AHNAK2: variants seen among roughly 807,000 people sequenced by gnomAD.
AHNAK2 encodes AHNAK nucleoprotein 2, also known as protein AHNAK2.
In AHNAK2, 18 loss-of-function variants were observed where a neutral mutation model predicts 30.7. That is an observed-to-expected ratio of 0.59 (90% CI 0.41 to 0.87). The LOEUF (loss-of-function observed/expected upper bound fraction) is 0.87, where lower values mean the gene tolerates loss of function less well. AHNAK2 is among the 40% of genes least tolerant of loss of function. The pLI is 0.00. For missense variants in AHNAK2, 8,604 were observed against 7,373.0 expected (o/e 1.17, Z -6.11); for synonymous variants, 3,590 against 3,073.8 (o/e 1.17, Z -5.56).
intron 1 of AHNAK2, among the ~76,000 whole-genome samples, chr14:104,971,624 C>T (rs902675360): frequency 1.3e-5 from 2 of 152,146 alleles, no homozygotes; most frequent in African/African-American, 2.4e-5. Context: ...ACACCTGAGT[C>T]CCATGACCCC....
intron 1 of AHNAK2, among the ~76,000 whole-genome samples, chr14:104,957,933 C>T (rs907960384): frequency 6.6e-6 from 1 of 152,152 alleles, no homozygotes; most frequent in Admixed American, 6.5e-5. Context: ...AGTGACTAAA[C>T]AAACACAAGG....
At chr14:104,960,903 G>A in intron 1 of AHNAK2, among the ~76,000 whole-genome samples, 1 of 151,838 alleles carries the variant, frequency 6.6e-6, no homozygotes, top group East Asian at 1.9e-4. Context: ...AGGCCAAGGA[G>A]GGCAGATCAC....
rs1046737776 is a variant in AHNAK2 at position 104,955,070 on chromosome 14, A to G, written c.538T>C (p.Tyr180His). ...AACTGAACCTTGTACGGCTCTGAAT[A>G]TTGAAGGATTTTGAGAGCATCTTCA... The part of the protein sequence containing the change: ...KYEDALKILQ[Y>H]SEPYKVQFKI... The change falls in exon 6 of 7, where the codon TAT becomes CAT. Residue 180 changes from tyrosine (Y) to histidine (H), a missense_variant. Coordinates refer to ENST00000333244, the MANE Select transcript of AHNAK2 (RefSeq NM_138420.4). 7.4e-6 allele frequency: 12 copies of G among 1,613,628 alleles called. No homozygotes were observed. The highest frequency in any genetic ancestry group is 9.3e-6 in the Non-Finnish European group (11 of 1,179,864).
At position 104,938,221 on chromosome 14, in the gene AHNAK2, C is replaced by T. The variant is rs1897868710; in HGVS notation, c.17230G>A (p.Glu5744Lys). ...FDARESFSPE[E>K]KEEGELIGPV... ...CCGATCAGTTCACCCTCTTCCTTCT[C>T]TTCAGGGGAGAAACTTTCTCGGGCA... The change falls in exon 7 of 7, where the codon GAG becomes AAG. Residue 5744 changes from glutamate (E) to lysine (K), a missense_variant. Physicochemically the swap from Glu to Lys is moderately conservative, Grantham distance 56 (BLOSUM62 1). Transcript: ENST00000333244. 2 of 1,613,792 alleles carry T rather than the reference C, an allele frequency of 1.2e-6. No individual in the cohort carries two copies. Among genetic ancestry groups the T allele is most frequent in the African/African-American group, 1.3e-5 (1 of 74,940 alleles).
chr14:104,955,288 A>C (rs927881984), intron 5 of AHNAK2, 147 bp from the exon 6 acceptor site: 14 of 1,261,448 alleles, frequency 1.1e-5, no homozygotes, highest in African/African-American at 1.5e-5. Flanking sequence ...TGAGTGCCTC[A>C]GGCACAGGCA....
chr14:104,972,795 T>C (rs899009706), intron 1 of AHNAK2, among the ~76,000 whole-genome samples: 8 of 152,350 alleles, frequency 5.3e-5, no homozygotes, highest in African/African-American at 9.6e-5. Flanking sequence ...GCTCAGATCC[T>C]GGACTTGCTC....
Position 104,946,801 on chromosome 14 carries a change from C to A in AHNAK2, c.8650G>T (p.Gly2884Cys). The A allele has an allele frequency of 6.2e-7, 1 of 1,612,510 alleles. No individual in the cohort carries two copies. The highest frequency in any genetic ancestry group is 8.5e-7 in the Non-Finnish European group (1 of 1,179,548). Residue 2884 changes from glycine (G) to cysteine (C), a missense_variant, in exon 7 of 7, where the codon GGC (glycine) becomes TGC (cysteine). Physicochemically the swap from Gly to Cys is radical, Grantham distance 159. Coordinates refer to ENST00000333244, the MANE Select transcript of AHNAK2 (RefSeq NM_138420.4). ...AGGCCGGCTCCCTCGGGAACGTGGC[C>A]CTCTGGGAGTTTCACGTCCACCTGG... is the stretch of plus-strand genomic sequence containing the variant. ...AGQVDVKLPE[G>C]HVPEGAGLKG...
In AHNAK2 at chr14:104,948,812, C is replaced by T. The variant is rs375443195; in HGVS notation, c.6639G>A (p.Gln2213=). 5 of 1,612,522 alleles carry T rather than the reference C, an allele frequency of 3.1e-6. No individual in the cohort carries two copies. Among genetic ancestry groups the T allele is most frequent in the African/African-American group, 2.7e-5 (2 of 74,340 alleles). Residue 2213 remains glutamine (Q), a synonymous_variant, in exon 7 of 7, where the codon CAG becomes CAA. Coordinates refer to ENST00000333244, the MANE Select transcript of AHNAK2 (RefSeq NM_138420.4). The part of the protein sequence containing the change: ...IQPLSADVKV[Q]AGQVDVKLLE... ...GGAGTTTCACGTCCACCTGGCCAGC[C>T]TGGACCTTCACGTCGGCGGAAAGGG...
Position 104,951,012 on chromosome 14 carries a change from G to T in AHNAK2, c.4439C>A (p.Ser1480Tyr). The T allele has an allele frequency of 7.5e-6, 8 of 1,063,666 alleles. 3 individuals carry two copies. The highest frequency in any genetic ancestry group is 1.1e-5 in the Non-Finnish European group (8 of 733,442). The allele number at this position is 1,063,666 out of a possible 1,614,324, so 65.9% of individuals were successfully genotyped here. A position where few individuals can be genotyped will look rare whatever the true frequency, so the allele number is the denominator to read the frequency against. ...LDGGRLEEDM[S>Y]LADKDLTTKD... is the part of the protein sequence containing the mutation. ...GGTAGTCAAGTCCTTGTCGGCCAGGGACATGTCCTCCTCCAGCCGTCCACC... is the reference window on the plus strand; with the variant it reads ...GGTAGTCAAGTCCTTGTCGGCCAGGTACATGTCCTCCTCCAGCCGTCCACC... The change falls in exon 7 of 7, where the codon TCC becomes TAC. Residue 1480 changes from serine (S) to tyrosine (Y), a missense_variant. Transcript: ENST00000333244.
At position 104,953,183 on chromosome 14, in the gene AHNAK2, C is replaced by T; in HGVS notation, c.2268G>A (p.Gly756=). 1 of 1,613,108 alleles carries T rather than the reference C, an allele frequency of 6.2e-7. No individual in the cohort carries two copies. The change falls in exon 7 of 7, where the codon GGG becomes GGA. Residue 756 remains glycine (G), a synonymous_variant. Transcript: ENST00000333244. ...TGGGCCTCTGCACCTTGGGCAGGTG[C>T]CCTTTGAGGCTGGCTCCCTCGGGCA... ...GPLPEGASLK[G]HLPKVQRPSL... is the part of the protein sequence containing the mutation.
chr14:104,969,145 T>C (rs1899401421), intron 1 of AHNAK2, among the ~76,000 whole-genome samples: 1 of 152,224 alleles, frequency 6.6e-6, no homozygotes. Flanking sequence ...CCTCTGTGTC[T>C]GCCTCCAAGG....
At position 104,954,611 on chromosome 14, in the gene AHNAK2, GCTGTGTGACCTCTGGGGT is replaced by G; in HGVS notation, c.822_839del (p.Pro275_Ser280del). 6.2e-7 allele frequency: 1 copy of G among 1,611,950 alleles called. No homozygotes were observed. The highest frequency in any genetic ancestry group is 1.3e-5 in the African/African-American group (1 of 75,006). Reference sequence around the variant, plus strand: ...CCCTAGGTTCGTAGGCCTCTGACGAGCTGTGTGACCTCTGGGGTCCCGGCCCCCGCTTGCTCTTTATGG... The same window carrying G: ...CCCTAGGTTCGTAGGCCTCTGACGAGCCCGGCCCCCGCTTGCTCTTTATGG... On this transcript the variant is annotated inframe_deletion, in exon 7 of 7. Transcript: ENST00000333244. This position sits in a 1 kb window ranked among gnomAD's most constrained non-coding sequence, Gnocchi z 4.3.
At position 104,946,574 on chromosome 14, in the gene AHNAK2, CCG is replaced by C. The variant is rs1898282661; in HGVS notation, c.8875_8876del (p.Arg2959AlafsTer4). Reference protein sequence around the residue: ...EAPRAKLDGARLEGDLSLADK... With the variant: ...EAPRAKLDGAXLEGDLSLADK... ...CGGCCAGGGACAGGTCACCCTCCAG[CCG>C]TGCACCATCCAGCTTTGCTCTCGGG... is the stretch of plus-strand genomic sequence containing the variant. On this transcript the variant is annotated frameshift_variant, in exon 7 of 7. Transcript: ENST00000333244. LOFTEE classifies it low-confidence loss of function (END_TRUNC). 5.6e-6 allele frequency: 9 copies of C among 1,613,000 alleles called. No individual in the cohort carries two copies. Among genetic ancestry groups the C allele is most frequent in the Admixed American group, 1.7e-5 (1 of 59,946 alleles).
chr14:104,940,456 A>C lies in AHNAK2; in HGVS notation c.14995T>G (p.Ser4999Ala), dbSNP rs745658748. The C allele has an allele frequency of 9.3e-6, 15 of 1,613,838 alleles. No homozygotes were observed. Among genetic ancestry groups the C allele is most frequent in the Non-Finnish European group, 1.3e-5 (15 of 1,179,898 alleles). The change falls in exon 7 of 7, where the codon TCT becomes GCT. Residue 4999 changes from serine to alanine, a missense_variant. Ser to Ala is a moderately conservative substitution (Grantham distance 99). Transcript: ENST00000333244. This position sits in a 1 kb window ranked among gnomAD's most constrained non-coding sequence, Gnocchi z 4.4. The part of the protein sequence containing the change: ...VLDKDEVAPQ[S>A]AIHMDLPPER... The stretch of plus-strand genomic sequence containing the variant: ...GGAGGCAGATCCATGTGGATGGCAG[A>C]CTGCGGGGCCACTTCATCCTTGTCT...
chr14:104,971,899 G>A (rs1899481278), intron 1 of AHNAK2, among the ~76,000 whole-genome samples: 1 of 152,282 alleles, frequency 6.6e-6, no homozygotes, highest in South Asian at 2.1e-4. Flanking sequence ...CTTAGGGGCA[G>A]CGAGGGGTCA....
Position 104,941,695 on chromosome 14 carries a change from C to A in AHNAK2, c.13756G>T (p.Asp4586Tyr). The A allele has an allele frequency of 6.2e-7, 1 of 1,613,234 alleles. No homozygotes were observed. Among genetic ancestry groups the A allele is most frequent in the Non-Finnish European group, 8.5e-7 (1 of 1,179,732 alleles). Residue 4586 changes from aspartate (D) to tyrosine (Y), a missense_variant, in exon 7 of 7, where the codon GAT (aspartate) becomes TAT (tyrosine). Physicochemically the swap from Asp to Tyr is radical, Grantham distance 160 (BLOSUM62 -3). Coordinates refer to ENST00000333244, the MANE Select transcript of AHNAK2 (RefSeq NM_138420.4). ...KGPKAEVMAP[D>Y]VEVSLPSVET... ...ACGCTGGGCAGAGACACCTCCACAT[C>A]GGGGGCCATCACCTCTGCCTTTGGG... is the stretch of plus-strand genomic sequence containing the variant.
Position 104,947,297 on chromosome 14 carries a change from C to G in AHNAK2, c.8154G>C (p.Glu2718Asp). 1.9e-6 allele frequency: 3 copies of G among 1,611,666 alleles called. No individual in the cohort carries two copies. Among genetic ancestry groups the G allele is most frequent in the Non-Finnish European group, 2.5e-6 (3 of 1,179,296 alleles). The change falls in exon 7 of 7, where the codon GAG (glutamate) becomes GAC (aspartate). Residue 2718 changes from glutamate (E) to aspartate (D), a missense_variant. Glu to Asp is a conservative substitution (Grantham distance 45). Transcript: ENST00000333244. Reference protein sequence around the residue: ...QAGQVDVKLPEGHVPEGAGLK... With the variant: ...QAGQVDVKLPDGHVPEGAGLK... Reference sequence around the variant, plus strand: ...GGCCGGCTCCCTCGGGAACGTGGCCCTCTGGGAGTTTCACATCCACCTGGC... The same window carrying G: ...GGCCGGCTCCCTCGGGAACGTGGCCGTCTGGGAGTTTCACATCCACCTGGC...
chr14:104,946,353 G>A lies in AHNAK2; in HGVS notation c.9098C>T (p.Ala3033Val). ...TTDISIEPPS[A>V]QLEVQAGQVD... Reference sequence around the variant, plus strand: ...CTGGCCAGCCTGGACCTCCAGTTGGGCAGAGGGGGGCTCAATGCTGATGTC... The same window carrying A: ...CTGGCCAGCCTGGACCTCCAGTTGGACAGAGGGGGGCTCAATGCTGATGTC... Residue 3033 changes from alanine (A) to valine (V), a missense_variant, in exon 7 of 7, where the codon GCC becomes GTC. Coordinates refer to ENST00000333244, the MANE Select transcript of AHNAK2 (RefSeq NM_138420.4). The A allele has an allele frequency of 1.2e-6, 2 of 1,612,364 alleles. No individual in the cohort carries two copies. Among genetic ancestry groups the A allele is most frequent in the East Asian group, 2.2e-5 (1 of 44,714 alleles).
In AHNAK2 at chr14:104,951,028, G is replaced by A. The variant is rs761970660; in HGVS notation, c.4423C>T (p.Leu1475=). The stretch of plus-strand genomic sequence containing the variant: ...TCGGCCAGGGACATGTCCTCCTCCA[G>A]CCGTCCACCATCCAGCTTGGCTCCT... ...APGAKLDGGR[L]EEDMSLADKD... is the part of the protein sequence containing the mutation. Residue 1475 remains leucine, a synonymous_variant, in exon 7 of 7, where the codon CTG becomes TTG. Coordinates refer to ENST00000333244, the MANE Select transcript of AHNAK2 (RefSeq NM_138420.4). The A allele has an allele frequency of 5.6e-6, 6 of 1,063,672 alleles. 3 individuals are homozygous for A. The highest frequency in any genetic ancestry group is 5.5e-6 in the Non-Finnish European group (4 of 733,220). 65.9% of individuals were successfully genotyped at this position (1,063,672 alleles called of 1,614,324 possible). A position where few individuals can be genotyped will look rare whatever the true frequency, so the allele number is the denominator to read the frequency against.
Sources: allele counts gnomAD v4.1 joint callset (sites outside exome capture counted in the v4.1 genomes callset), GRCh38; gene constraint gnomAD v4.1.1; non-coding constraint Gnocchi (gnomAD v3.1); transcripts MANE v1.5; gene names NCBI Gene and HGNC (gene_info 2026-07-23, HGNC 2026-07-21).